PDE4D: variants seen among roughly 807,000 people sequenced by gnomAD.
PDE4D encodes phosphodiesterase 4D, also known as 3',5'-cyclic-AMP phosphodiesterase 4D.
Under a neutral mutation model 87.4 loss-of-function variants are expected in PDE4D, and 24 were observed. That is an observed-to-expected ratio of 0.27 (90% CI 0.20 to 0.39). The LOEUF (loss-of-function observed/expected upper bound fraction) is 0.39. PDE4D is among the 10% of genes least tolerant of loss of function. The pLI is 1.00. For missense variants in PDE4D, 714 were observed against 1,041.0 expected, an observed-to-expected ratio of 0.69 and a Z score of 4.32; for synonymous variants, 384 against 383.2, an observed-to-expected ratio of 1.00 and a Z score of -0.02.
rs568102581 is a variant in PDE4D at position 59,283,877 on chromosome 5, G to A, written c.456-67909C>T. ...CAACACACAGTGAACATCACAGGGG[G>A]ATTCAAATCCCACAGACACTGTTTA... On this transcript the variant is annotated intron_variant, in intron 1 of 14. Coordinates refer to ENST00000340635, the MANE Select transcript of PDE4D (RefSeq NM_001104631.2). 4.6e-5 allele frequency among the ~76,000 whole-genome samples: 7 copies of A among 152,192 alleles called. No homozygotes were observed. In the East Asian group the frequency reaches 1.4e-3, roughly 29 times the overall value.
rs190745603 is a variant in PDE4D, at chr5:59,357,370, A to G, written c.456-141402T>C. On this transcript the variant is annotated intron_variant, in intron 1 of 14. Coordinates refer to ENST00000340635, the MANE Select transcript of PDE4D (RefSeq NM_001104631.2). ...AATTTCACACAGCTAACTGCCAACT[A>G]TAATTTTCCTTATTTCAACTTCTCT... Among the ~76,000 whole-genome samples, 323 of 152,340 alleles carry G rather than the reference A, an allele frequency of 2.1e-3. 7 individuals carry two copies. The highest frequency in any genetic ancestry group is 0.018 in the Admixed American group (283 of 15,302).
intron 1 of PDE4D, among the ~76,000 whole-genome samples, chr5:59,865,042 A>T (rs1746814796): frequency 6.6e-6 from 1 of 152,152 alleles, no homozygotes. Context: ...AGCCAAGAAT[A>T]ATAACTACCT....
chr5:59,450,564 C>A (rs1798990090), intron 1 of PDE4D, among the ~76,000 whole-genome samples: 1 of 152,140 alleles, frequency 6.6e-6, no homozygotes, highest in South Asian at 2.1e-4. Context: ...TTTTTAAATT[C>A]TAACAACTAT....
intron 3 of PDE4D, among the ~76,000 whole-genome samples, chr5:59,940,799 G>GA (rs901360247): frequency 6.6e-5 from 10 of 152,016 alleles, no homozygotes; most frequent in East Asian, 1.9e-4. Flanking sequence ...ATTAACTTGA[G>GA]AAAAAATAGG....
chr5:59,415,326 C>T (rs1793415733), intron 1 of PDE4D, among the ~76,000 whole-genome samples: 1 of 152,132 alleles, frequency 6.6e-6, no homozygotes, highest in African/African-American at 2.4e-5. Context: ...GGTGAGGAAA[C>T]TGAAGCATAA....
intron 1 of PDE4D, among the ~76,000 whole-genome samples, chr5:60,360,676 C>T (rs975488105): frequency 6.6e-6 from 1 of 152,200 alleles, no homozygotes; most frequent in Non-Finnish European, 1.5e-5. Flanking sequence ...TTCATCCATA[C>T]CTAATGCTAT....
At chr5:59,706,976 T>C (rs1175662104) in intron 1 of PDE4D, among the ~76,000 whole-genome samples, 2 of 152,180 alleles carry the variant, frequency 1.3e-5, no homozygotes, top group East Asian at 3.8e-4. Context: ...AAACCAGTAA[T>C]ACAGACATAG....
chr5:59,848,435 T>C (rs1000177094), intron 1 of PDE4D, among the ~76,000 whole-genome samples: 4 of 152,082 alleles, frequency 2.6e-5, no homozygotes, highest in Non-Finnish European at 4.4e-5. Context: ...AGTTAAAATA[T>C]ACACACACAT....
chr5:59,047,919 G>A (rs1236393339), intron 5 of PDE4D, among the ~76,000 whole-genome samples: 1 of 152,166 alleles, frequency 6.6e-6, no homozygotes, highest in African/African-American at 2.4e-5. Flanking sequence ...GCCCTCACCA[G>A]AACCTGACTA....
chr5:60,304,054 T>C (rs1754197870), intron 1 of PDE4D: 1 of 152,170 alleles, frequency 6.6e-6, no homozygotes, highest in Non-Finnish European at 1.5e-5. Context: ...TAAGAAAATA[T>C]GGAACGCTTC....
At chr5:60,429,492 C>T (rs1285943986) in intron 1 of PDE4D, among the ~76,000 whole-genome samples, 2 of 152,118 alleles carry the variant, frequency 1.3e-5, no homozygotes, top group South Asian at 2.1e-4. Flanking sequence ...GCTAGGACTT[C>T]CAATACTATG....
chr5:59,683,397 CAATAT>C (rs1749348874), intron 1 of PDE4D, among the ~76,000 whole-genome samples: 1 of 152,110 alleles, frequency 6.6e-6, no homozygotes, highest in Non-Finnish European at 1.5e-5. Flanking sequence ...AAATCAAAAT[CAATAT>C]AATATATTAA....
At chr5:60,407,218 T>G (rs1373919566) in intron 1 of PDE4D, among the ~76,000 whole-genome samples, 1 of 152,060 alleles carries the variant, frequency 6.6e-6, no homozygotes, top group Non-Finnish European at 1.5e-5. Flanking sequence ...CAAATGATTT[T>G]CTGCAGCTCT....
chr5:59,795,918 C>A (rs1766422174), intron 1 of PDE4D, among the ~76,000 whole-genome samples: 1 of 152,126 alleles, frequency 6.6e-6, no homozygotes, highest in Admixed American at 6.5e-5. Flanking sequence ...CACACATATG[C>A]AGGAGGAAGG....
intron 1 of PDE4D, among the ~76,000 whole-genome samples, chr5:59,865,543 A>G (rs901539252): frequency 1.3e-5 from 2 of 152,184 alleles, no homozygotes; most frequent in South Asian, 4.2e-4. Context: ...CAGCAACTCA[A>G]TGACAAATCT....
chr5:60,145,615 T>A (rs1226452878), intron 2 of PDE4D, among the ~76,000 whole-genome samples: 3 of 152,182 alleles, frequency 2.0e-5, no homozygotes, highest in Non-Finnish European at 4.4e-5. Context: ...TTTCCACACA[T>A]CCTTTGAGGT....
At chr5:60,413,719 T>TG (rs1742240909) in intron 1 of PDE4D, among the ~76,000 whole-genome samples, 1 of 151,750 alleles carries the variant, frequency 6.6e-6, no homozygotes, top group South Asian at 2.1e-4. Context: ...TCGTTTATTT[T>TG]TTTTTTTTTT....
chr5:59,279,813 TTG>T (rs10664902), intron 1 of PDE4D, among the ~76,000 whole-genome samples: 32 of 148,072 alleles, frequency 2.2e-4, no homozygotes, highest in South Asian at 6.4e-4. Context: ...ATGTGTGTGT[TTG>T]TGTGTGTGTG....
chr5:59,488,440 TTAAA>T (rs1313368893), intron 1 of PDE4D, among the ~76,000 whole-genome samples: 1 of 152,326 alleles, frequency 6.6e-6, no homozygotes, highest in Non-Finnish European at 1.5e-5. Flanking sequence ...GATAAGCTGT[TTAAA>T]TACGCATTTG....
Sources: allele counts gnomAD v4.1 joint callset (sites outside exome capture counted in the v4.1 genomes callset), GRCh38; gene constraint gnomAD v4.1.1; transcripts MANE v1.5; gene names NCBI Gene and HGNC (gene_info 2026-07-23, HGNC 2026-07-21).